The following LRRC38 variants were observed in gnomAD, a reference collection of about 807,000 sequenced individuals.
LRRC38 encodes leucine-rich repeat-containing protein 38.
LRRC38 carries 5 observed loss-of-function variants against 16.4 expected under a neutral mutation model. The observed-to-expected ratio is 0.31, with a 90% CI of 0.16 to 0.64. The LOEUF (loss-of-function observed/expected upper bound fraction) is 0.64. LRRC38 is among the 30% of genes least tolerant of loss of function. LRRC38 has a pLI of 0.80. For missense variants in LRRC38, 341 were observed against 401.8 expected, an observed-to-expected ratio of 0.85 and a Z score of 1.29; for synonymous variants, 191 against 190.2, an observed-to-expected ratio of 1.00 and a Z score of -0.04.
chr1:13,475,792 G>A lies in LRRC38; in HGVS notation c.*54C>T, dbSNP rs970571647. ...TTTTCAGCATTTCCCTCTCGTCTTGGAGAGAGCTTCTGGTTCGGTGCTGGA... is the reference window on the plus strand; with the variant it reads ...TTTTCAGCATTTCCCTCTCGTCTTGAAGAGAGCTTCTGGTTCGGTGCTGGA... On this transcript the variant is annotated 3_prime_UTR_variant, in exon 2 of 2. Coordinates refer to ENST00000376085, the MANE Select transcript of LRRC38 (RefSeq NM_001010847.2). The surrounding 1 kb of genome is among the most constrained non-coding windows in gnomAD (Gnocchi z 4.3). The A allele has an allele frequency of 2.6e-6, 4 of 1,532,742 alleles. No individual in the cohort carries two copies. The South Asian group carries it at 4.9e-5, about 19-fold the overall frequency. 94.9% of individuals were successfully genotyped at this position (1,532,742 alleles called of 1,614,324 possible).
At chr1:13,484,202 C>T (rs1031607789) in intron 1 of LRRC38, among the ~76,000 whole-genome samples, 3 of 152,272 alleles carry the variant, frequency 2.0e-5, no homozygotes, top group East Asian at 3.9e-4. Flanking sequence ...CCTTCCTTTT[C>T]GTCAGGTGAC....
At position 13,487,857 on chromosome 1, in the gene LRRC38, T is replaced by C. The variant is rs765365570; in HGVS notation, c.632-11758A>G. On this transcript the variant is annotated intron_variant, in intron 1 of 1. Coordinates refer to ENST00000376085, the MANE Select transcript of LRRC38 (RefSeq NM_001010847.2). This position sits in a 1 kb window ranked among gnomAD's most constrained non-coding sequence, Gnocchi z 4.4. ...CCTCCTGGGAACTGCGTAACTCAGATTAACAACAGGCTCTGGTAAGCGCTT... is the reference window on the plus strand; with the variant it reads ...CCTCCTGGGAACTGCGTAACTCAGACTAACAACAGGCTCTGGTAAGCGCTT... 5.3e-5 allele frequency among the ~76,000 whole-genome samples: 8 copies of C among 152,200 alleles called. No individual in the cohort carries two copies. Among genetic ancestry groups the C allele is most frequent in the Non-Finnish European group, 8.8e-5 (6 of 68,038 alleles).
At chr1:13,506,899 T>C (rs1050576582) in intron 1 of LRRC38, among the ~76,000 whole-genome samples, 1 of 152,218 alleles carries the variant, frequency 6.6e-6, no homozygotes, top group African/African-American at 2.4e-5. Context: ...GGCTTAACCC[T>C]TTGGGTAACT....
intron 1 of LRRC38, 143 bp from the exon 2 acceptor site, chr1:13,476,242 G>C: frequency 1.4e-6 from 1 of 721,930 alleles, no homozygotes; most frequent in South Asian, 2.0e-5. Context: ...AATTTAAATG[G>C]AATTTAAACT....
At chr1:13,510,422 A>G (rs550335312) in intron 1 of LRRC38, among the ~76,000 whole-genome samples, 2 of 152,360 alleles carry the variant, frequency 1.3e-5, no homozygotes, top group Admixed American at 1.3e-4. Context: ...CTTACATAGT[A>G]TATACTGTGA....
chr1:13,493,257 G>T (rs1451731489), intron 1 of LRRC38, among the ~76,000 whole-genome samples: 1 of 152,100 alleles, frequency 6.6e-6, no homozygotes, highest in Admixed American at 6.6e-5. Flanking sequence ...GTGGCCTTCA[G>T]CGGGGCTCGG....
chr1:13,495,964 G>A (rs1639075279), intron 1 of LRRC38, among the ~76,000 whole-genome samples: 1 of 152,000 alleles, frequency 6.6e-6, no homozygotes, highest in Non-Finnish European at 1.5e-5. Context: ...TATCAGCACA[G>A]TCTTACTCTC....
At chr1:13,506,452 T>C (rs1639214538) in intron 1 of LRRC38, among the ~76,000 whole-genome samples, 1 of 152,132 alleles carries the variant, frequency 6.6e-6, no homozygotes, top group Non-Finnish European at 1.5e-5. Context: ...CATTTCTTTT[T>C]CTATTTTCTT....
At position 13,513,119 on chromosome 1, in the gene LRRC38, G is replaced by A; in HGVS notation, c.475C>T (p.Leu159Phe). 1 of 1,550,428 alleles carries A rather than the reference G, an allele frequency of 6.4e-7. No homozygotes were observed. Among genetic ancestry groups the A allele is most frequent in the Non-Finnish European group, 8.7e-7 (1 of 1,146,876 alleles). ...AGGCTGCGCAGGTTGTTGTCGTTGA[G>A]CTCCAGCACCTGCAGCGACTCCAGG... The part of the protein sequence containing the change: ...ETLESLQVLE[L>F]NDNNLRSLSV... Residue 159 changes from leucine (L) to phenylalanine (F), a missense_variant, in exon 1 of 2, where the codon CTC becomes TTC. Coordinates refer to ENST00000376085, the MANE Select transcript of LRRC38 (RefSeq NM_001010847.2).
intron 1 of LRRC38, among the ~76,000 whole-genome samples, chr1:13,492,154 A>G (rs994811222): frequency 2.6e-5 from 4 of 152,116 alleles, no homozygotes; most frequent in African/African-American, 9.7e-5. Flanking sequence ...ATATTATTCT[A>G]CTTTCTCTTC....
At chr1:13,485,058 G>A (rs1289727124) in intron 1 of LRRC38, among the ~76,000 whole-genome samples, 13 of 143,768 alleles carry the variant, frequency 9.0e-5, no homozygotes, top group East Asian at 4.3e-4. Flanking sequence ...CAGGGGGATC[G>A]CCTGAGGTCA....
chr1:13,484,639 G>T (rs1454414601), intron 1 of LRRC38, among the ~76,000 whole-genome samples: 1 of 152,228 alleles, frequency 6.6e-6, no homozygotes, highest in Non-Finnish European at 1.5e-5. Context: ...CTCTGGAGTA[G>T]AGAGAAGCTG....
intron 1 of LRRC38, among the ~76,000 whole-genome samples, chr1:13,485,202 G>A (rs377125006): frequency 7.3e-5 from 11 of 151,192 alleles, no homozygotes; most frequent in African/African-American, 2.0e-4. Context: ...GCTTGAACCC[G>A]GGAGGCGGAG....
intron 1 of LRRC38, among the ~76,000 whole-genome samples, chr1:13,477,820 T>C (rs1638807065): frequency 6.6e-6 from 1 of 152,134 alleles, no homozygotes; most frequent in Non-Finnish European, 1.5e-5. Context: ...AGAGACCCTG[T>C]GTCAAAAAGA....
chr1:13,481,548 C>T (rs61195259), intron 1 of LRRC38, among the ~76,000 whole-genome samples: 3 of 151,786 alleles, frequency 2.0e-5, no homozygotes, highest in East Asian at 1.9e-4. Context: ...CCCACCACCA[C>T]GCCCGGCTAA....
intron 1 of LRRC38, among the ~76,000 whole-genome samples, chr1:13,508,318 T>C (rs913121622): frequency 6.6e-6 from 1 of 152,194 alleles, no homozygotes; most frequent in African/African-American, 2.4e-5. Flanking sequence ...AGACTTTCCA[T>C]GTGTAAGGAT....
In LRRC38 at chr1:13,476,250, A is replaced by G. The variant is rs530875300; in HGVS notation, c.632-151T>C. Among the ~76,000 whole-genome samples the G allele has an allele frequency of 7.6e-4, 114 of 149,122 alleles. 3 individuals are homozygous for G. In the South Asian group the frequency reaches 0.013, roughly 18 times the overall value. On this transcript the variant is annotated intron_variant, in intron 1 of 1. Transcript: ENST00000376085. The stretch of plus-strand genomic sequence containing the variant: ...AAAGGCTAATTTAAATGGAATTTAA[A>G]CTTGAAAAAAAAAAAAAAGCCTTAG...
chr1:13,480,885 T>G (rs1638845551), intron 1 of LRRC38, among the ~76,000 whole-genome samples: 1 of 152,142 alleles, frequency 6.6e-6, no homozygotes. Flanking sequence ...CTGGAACTGC[T>G]GTCCTCAAGC....
At position 13,487,604 on chromosome 1, in the gene LRRC38, C is replaced by T. The variant is rs558317703; in HGVS notation, c.632-11505G>A. On this transcript the variant is annotated intron_variant, in intron 1 of 1. Transcript: ENST00000376085. The surrounding 1 kb of genome is among the most constrained non-coding windows in gnomAD (Gnocchi z 4.4). ...CAGGCATCTCCCTTGTGCAGGGCGG[C>T]TCCGTGGCCTGCCCGTCACCACCTG... Among the ~76,000 whole-genome samples the T allele has an allele frequency of 2.9e-4, 44 of 152,344 alleles. No individual in the cohort carries two copies. The South Asian group carries it at 9.1e-3, about 32-fold the overall frequency.
Sources: allele counts gnomAD v4.1 joint callset (sites outside exome capture counted in the v4.1 genomes callset), GRCh38; gene constraint gnomAD v4.1.1; non-coding constraint Gnocchi (gnomAD v3.1); transcripts MANE v1.5; gene names NCBI Gene and HGNC (gene_info 2026-07-23, HGNC 2026-07-21).